Variants in CNTNAP5 observed in about 807,000 individuals in gnomAD.
The protein encoded by CNTNAP5 is contactin associated protein family member 5.
Under a neutral mutation model 150.2 loss-of-function variants are expected in CNTNAP5, and 72 were observed. The observed-to-expected ratio is 0.48, with a 90% CI of 0.40 to 0.58. The LOEUF (loss-of-function observed/expected upper bound fraction) is 0.58, where lower values mean the gene tolerates loss of function less well. Ranked by LOEUF, CNTNAP5 falls within the 20% of genes least tolerant of loss-of-function variation. The probability of loss-of-function intolerance (pLI) is 0.00; values close to 1 mark genes in which losing one functional copy is unlikely to be tolerated. For missense variants in CNTNAP5, 1,636 were observed against 1,626.2 expected (o/e 1.01, Z -0.10); for synonymous variants, 672 against 619.8 (o/e 1.08, Z -1.25).
chr2:124,230,528 AAATT>A (rs1302489449), intron 2 of CNTNAP5, among the ~76,000 whole-genome samples: 1 of 149,880 alleles, frequency 6.7e-6, no homozygotes, highest in Non-Finnish European at 1.5e-5. Flanking sequence ...ATATATATAT[AAATT>A]ATTATTTTTT....
intron 3 of CNTNAP5, among the ~76,000 whole-genome samples, chr2:124,368,997 A>T (rs956947498): frequency 6.6e-6 from 1 of 152,142 alleles, no homozygotes; most frequent in Non-Finnish European, 1.5e-5. Context: ...AAAACAAATA[A>T]TTTTTTAAAA....
intron 3 of CNTNAP5, among the ~76,000 whole-genome samples, chr2:124,248,648 T>C (rs1302601304): frequency 5.9e-5 from 9 of 152,310 alleles, no homozygotes; most frequent in African/African-American, 1.9e-4. Context: ...TTCTTAACAC[T>C]AGAATTTGCT....
intron 11 of CNTNAP5, among the ~76,000 whole-genome samples, chr2:124,578,440 C>T (rs1342962262): frequency 6.6e-6 from 1 of 152,028 alleles, no homozygotes; most frequent in African/African-American, 2.4e-5. Context: ...AGGGTCTCCC[C>T]ACAGTCTTGG....
intron 13 of CNTNAP5, among the ~76,000 whole-genome samples, chr2:124,712,191 G>T (rs1263934819): frequency 3.9e-5 from 6 of 152,150 alleles, no homozygotes; most frequent in Non-Finnish European, 5.9e-5. Context: ...TCAGACTCAT[G>T]TTGGGTGGAT....
chr2:124,484,994 C>T (rs949701272), intron 7 of CNTNAP5, among the ~76,000 whole-genome samples: 3 of 152,094 alleles, frequency 2.0e-5, no homozygotes, highest in Admixed American at 6.5e-5. Context: ...AAGTAGGGAC[C>T]GGACACTGGA....
intron 1 of CNTNAP5, among the ~76,000 whole-genome samples, chr2:124,064,787 T>G (rs1682110929): frequency 6.6e-6 from 1 of 152,180 alleles, no homozygotes; most frequent in Non-Finnish European, 1.5e-5. Flanking sequence ...AATGCATGTG[T>G]GTTCTCCCAT....
chr2:124,843,968 T>A (rs1472633109), intron 19 of CNTNAP5, among the ~76,000 whole-genome samples: 1 of 152,156 alleles, frequency 6.6e-6, no homozygotes, highest in Non-Finnish European at 1.5e-5. Context: ...CTGTTAACTC[T>A]GCTGATTATT....
At chr2:124,116,096 G>A (rs887191273) in intron 1 of CNTNAP5, among the ~76,000 whole-genome samples, 17 of 151,896 alleles carry the variant, frequency 1.1e-4, no homozygotes, top group African/African-American at 4.1e-4. Flanking sequence ...TGCTCTACAG[G>A]GCCAGTTTTT....
At chr2:124,693,876 T>C (rs576188670) in intron 13 of CNTNAP5, among the ~76,000 whole-genome samples, 2 of 150,888 alleles carry the variant, frequency 1.3e-5, no homozygotes, top group South Asian at 2.1e-4. Context: ...GCTTGACTGT[T>C]GTGTTTCTTC....
chr2:124,227,887 TATAC>T (rs753617206), intron 2 of CNTNAP5, among the ~76,000 whole-genome samples: 56 of 151,854 alleles, frequency 3.7e-4, no homozygotes, highest in African/African-American at 1.3e-3. Flanking sequence ...GGGATATATA[TATAC>T]ACATACACAT....
At chr2:124,407,105 T>C (rs1195367509) in intron 3 of CNTNAP5, among the ~76,000 whole-genome samples, 1 of 152,206 alleles carries the variant, frequency 6.6e-6, no homozygotes, top group Non-Finnish European at 1.5e-5. Context: ...GGACACGCAT[T>C]GTTTCTATAT....
At chr2:124,631,748 T>C (rs1305126090) in intron 12 of CNTNAP5, among the ~76,000 whole-genome samples, 4 of 152,200 alleles carry the variant, frequency 2.6e-5, no homozygotes, top group African/African-American at 9.7e-5. Flanking sequence ...AAAGAGTTTC[T>C]GCACAGCAAA....
intron 3 of CNTNAP5, among the ~76,000 whole-genome samples, chr2:124,283,617 G>C (rs1488327267): frequency 1.3e-5 from 2 of 152,316 alleles, no homozygotes; most frequent in Admixed American, 6.5e-5. Context: ...GAGAAGACTT[G>C]CCTTGATCAT....
intron 11 of CNTNAP5, among the ~76,000 whole-genome samples, chr2:124,599,325 C>T (rs1696924856): frequency 6.6e-6 from 1 of 152,032 alleles, no homozygotes; most frequent in African/African-American, 2.4e-5. Context: ...TTGCCTTTAT[C>T]AACAAATATC....
intron 1 of CNTNAP5, among the ~76,000 whole-genome samples, chr2:124,182,321 C>T (rs1685228413): frequency 6.6e-6 from 1 of 152,136 alleles, no homozygotes; most frequent in Admixed American, 6.5e-5. Context: ...CACACAGGCA[C>T]TCCTCCTTAA....
At chr2:124,892,690 G>C (rs1428230582) in intron 21 of CNTNAP5, among the ~76,000 whole-genome samples, 1 of 152,056 alleles carries the variant, frequency 6.6e-6, no homozygotes, top group Non-Finnish European at 1.5e-5. Context: ...AGCTAAGCAG[G>C]CAACCTTTAT....
chr2:124,629,032 C>T (rs1677790155), intron 12 of CNTNAP5, among the ~76,000 whole-genome samples: 1 of 152,118 alleles, frequency 6.6e-6, no homozygotes. Context: ...TATATGCACC[C>T]AATACAGGAA....
intron 1 of CNTNAP5, among the ~76,000 whole-genome samples, chr2:124,141,955 C>T (rs1684121034): frequency 8.9e-6 from 1 of 112,374 alleles, no homozygotes; most frequent in African/African-American, 3.5e-5. Context: ...ATCTACCAAG[C>T]AAATGGAAAA....
At chr2:124,669,465 C>G (rs116780213) in intron 13 of CNTNAP5, among the ~76,000 whole-genome samples, 1 of 152,128 alleles carries the variant, frequency 6.6e-6, no homozygotes. Context: ...GCTCCTTCCA[C>G]GTTAAACAAG....
Sources: gnomAD v4.1 joint callset for allele counts (sites outside exome capture counted in the v4.1 genomes callset) on GRCh38, gnomAD v4.1.1 for gene constraint, MANE v1.5 for transcripts, NCBI Gene and HGNC (gene_info 2026-07-23, HGNC 2026-07-21) for gene names.